NGLY1: variants seen among roughly 807,000 people sequenced by gnomAD.
NGLY1 encodes peptide-N(4)-(N-acetyl-beta-glucosaminyl)asparagine amidase.
In NGLY1, 68 loss-of-function variants were observed where a neutral mutation model predicts 84.6. The ratio of observed to expected loss-of-function variants is 0.80; its 90% confidence interval spans 0.66 to 0.98. The LOEUF (loss-of-function observed/expected upper bound fraction) is 0.98, where lower values mean the gene tolerates loss of function less well. Among genes scored for constraint, NGLY1 ranks in the 50% least tolerant of loss-of-function variants. NGLY1 has a pLI of 0.00. For synonymous variants in NGLY1, 280 were observed against 275.2 expected (o/e 1.02, Z -0.17); for missense variants, 779 against 770.2 (o/e 1.01, Z -0.14).
chr3:25,721,538 G>A lies in NGLY1; in HGVS notation c.1612-1347C>T, dbSNP rs1441953109. ...GGAGGCTGAGGCAGGTGGATCACGAGGTCAGGAGATCGAAACCATCCTAAC... is the reference window on the plus strand; with the variant it reads ...GGAGGCTGAGGCAGGTGGATCACGAAGTCAGGAGATCGAAACCATCCTAAC... On this transcript the variant is annotated intron_variant, in intron 10 of 11. Transcript: ENST00000280700. 2.6e-5 allele frequency among the ~76,000 whole-genome samples: 4 copies of A among 151,758 alleles called. No homozygotes were observed. In the East Asian group the frequency reaches 7.8e-4, roughly 30 times the overall value.
At chr3:25,722,215 TA>T (rs953943214) in intron 10 of NGLY1, among the ~76,000 whole-genome samples, 34 of 139,944 alleles carry the variant, frequency 2.4e-4, no homozygotes, top group Non-Finnish European at 2.3e-4. Flanking sequence ...AGACTCTGTC[TA>T]AAAAAAAAAA....
intron 9 of NGLY1, 65 bp downstream of exon 9, chr3:25,732,254 T>G: frequency 6.8e-7 from 1 of 1,471,540 alleles, no homozygotes; most frequent in Non-Finnish European, 9.4e-7. Flanking sequence ...GAGGATAGTA[T>G]AGGAAGAGCA....
At chr3:25,774,110 G>C (rs1461305499) in intron 2 of NGLY1, among the ~76,000 whole-genome samples, 2 of 152,230 alleles carry the variant, frequency 1.3e-5, no homozygotes, top group African/African-American at 4.8e-5. Context: ...TGGTAGTAAA[G>C]CTGTCATGCG....
At chr3:25,749,863 C>A (rs763717694) in intron 4 of NGLY1, 14 of 914,906 alleles carry the variant, frequency 1.5e-5, no homozygotes, top group African/African-American at 6.5e-5. Context: ...TCACCAACCC[C>A]AATGCCAGGC....
chr3:25,726,523 T>A (rs1705271623), intron 10 of NGLY1, among the ~76,000 whole-genome samples: 1 of 152,142 alleles, frequency 6.6e-6, no homozygotes. Context: ...GTGGTAAGGT[T>A]AAGAATAAAT....
intron 5 of NGLY1, 77 bp from the exon 6 acceptor site, chr3:25,737,532 C>T (rs1173513638): frequency 2.4e-6 from 3 of 1,264,804 alleles, no homozygotes; most frequent in African/African-American, 1.5e-5. Flanking sequence ...CTATGCTAAA[C>T]AGAAATGTTT....
chr3:25,782,049 G>A (rs1488994), intron 1 of NGLY1, among the ~76,000 whole-genome samples: 1 of 152,070 alleles, frequency 6.6e-6, no homozygotes, highest in African/African-American at 2.4e-5. Flanking sequence ...GAGCACGAAG[G>A]TGGTCCCCAC....
intron 4 of NGLY1, among the ~76,000 whole-genome samples, chr3:25,743,806 C>A (rs536951008): frequency 4.2e-4 from 64 of 152,284 alleles, no homozygotes; most frequent in Non-Finnish European, 6.6e-4. Context: ...ACTTCTGTTA[C>A]ATACTCCAGG....
chr3:25,735,220 G>C (rs1002870436), intron 7 of NGLY1: 1 of 152,062 alleles, frequency 6.6e-6, no homozygotes, highest in African/African-American at 2.4e-5. Context: ...TTGGTAAACT[G>C]AACGCCAGTT....
chr3:25,730,516 C>A (rs1410121002), intron 9 of NGLY1: 2 of 152,076 alleles, frequency 1.3e-5, no homozygotes, highest in African/African-American at 4.8e-5. Context: ...AAATGAAGAC[C>A]TAAATAATAT....
In NGLY1 at chr3:25,729,253, G is replaced by A; in HGVS notation, c.1491C>T (p.Tyr497=). ...GAACATAACGATCTTTCACAATATTGTAACAAAGGTGGAGCTGTTTAGAAA... is the reference window on the plus strand; with the variant it reads ...GAACATAACGATCTTTCACAATATTATAACAAAGGTGGAGCTGTTTAGAAA... The part of the protein sequence containing the change: ...EKISKQLHLC[Y]NIVKDRYVRV... The change falls in exon 10 of 12, where the codon TAC becomes TAT. Residue 497 remains tyrosine, a synonymous_variant. Transcript: ENST00000280700. 2 of 1,550,402 alleles carry A rather than the reference G, an allele frequency of 1.3e-6. No homozygotes were observed. The highest frequency in any genetic ancestry group is 1.7e-6 in the Non-Finnish European group (2 of 1,143,302).
intron 10 of NGLY1, among the ~76,000 whole-genome samples, chr3:25,727,767 G>A (rs73155400): frequency 0.038 from 5,747 of 152,196 alleles, 317 homozygotes; most frequent in African/African-American, 0.13. Context: ...CAGTAGTTCT[G>A]TTTCTTGGCA....
chr3:25,755,685 T>TA, intron 3 of NGLY1: 1 of 1,424,082 alleles, frequency 7.0e-7, no homozygotes, highest in South Asian at 1.2e-5. Context: ...TGTAAGGAAT[T>TA]ATAGTCTAGT....
intron 3 of NGLY1, chr3:25,755,446 A>G (rs1017853876): frequency 1.1e-5 from 16 of 1,464,158 alleles, no homozygotes; most frequent in Admixed American, 1.7e-5. Context: ...TTTCAACTCC[A>G]ATGTCAGTGA....
chr3:25,751,750 G>A (rs1706761521), intron 3 of NGLY1, among the ~76,000 whole-genome samples: 2 of 152,196 alleles, frequency 1.3e-5, no homozygotes, highest in South Asian at 4.1e-4. Flanking sequence ...ATAATCCCAA[G>A]GGCAGAGAAG....
intron 2 of NGLY1, among the ~76,000 whole-genome samples, chr3:25,769,634 T>A (rs935145078): frequency 6.6e-6 from 1 of 152,148 alleles, no homozygotes; most frequent in Non-Finnish European, 1.5e-5. Flanking sequence ...AAAAAGAGTA[T>A]GAAGTTTCCT....
intron 4 of NGLY1, among the ~76,000 whole-genome samples, chr3:25,748,595 G>A (rs1706563591): frequency 6.6e-6 from 1 of 152,040 alleles, no homozygotes; most frequent in Non-Finnish European, 1.5e-5. Context: ...TCTACATGAA[G>A]AAACTGAGTC....
intron 3 of NGLY1, among the ~76,000 whole-genome samples, chr3:25,759,577 T>C (rs1163876794): frequency 6.6e-6 from 1 of 152,144 alleles, no homozygotes; most frequent in East Asian, 1.9e-4. Flanking sequence ...TACATATTCA[T>C]TGGCACAACT....
chr3:25,751,382 AAATAT>A, intron 3 of NGLY1, 119 bp from the exon 4 acceptor site: 1 of 796,934 alleles, frequency 1.3e-6, no homozygotes, highest in Non-Finnish European at 1.8e-6. Flanking sequence ...GGATTCACTT[AAATAT>A]AATAATTATA....
Sources: allele counts gnomAD v4.1 joint callset (sites outside exome capture counted in the v4.1 genomes callset), GRCh38; gene constraint gnomAD v4.1.1; transcripts MANE v1.5; gene names NCBI Gene and HGNC (gene_info 2026-07-23, HGNC 2026-07-21).